Variants in CRB1 observed in about 807,000 individuals in gnomAD.
The protein encoded by CRB1 is crumbs cell polarity complex component 1, also known as protein crumbs homolog 1.
Under a neutral mutation model 120.0 loss-of-function variants are expected in CRB1, and 83 were observed. The observed-to-expected ratio is 0.69, with a 90% CI of 0.58 to 0.83. CRB1 has a LOEUF of 0.83. Ranked by LOEUF, CRB1 falls within the 40% of genes least tolerant of loss-of-function variation. CRB1 has a pLI of 0.00. For missense variants in CRB1, 1,699 were observed against 1,687.6 expected (o/e 1.01, Z -0.12); for synonymous variants, 625 against 612.5 (o/e 1.02, Z -0.30).
At chr1:197,224,264 T>C in the CRB1 span, among the ~76,000 whole-genome samples, 1 of 152,172 alleles carries the variant, frequency 6.6e-6, no homozygotes, top group South Asian at 2.1e-4. Flanking sequence ...GAGTGAGATA[T>C]ATATTCATTC....
chr1:197,289,984 TAGTTATATAAA>T (rs1175066374), intron 1 of CRB1, among the ~76,000 whole-genome samples: 3 of 151,754 alleles, frequency 2.0e-5, no homozygotes, highest in Non-Finnish European at 4.4e-5. Context: ...TATTTTTATC[TAGTTATATAAA>T]AGTTATATTT....
the CRB1 span, among the ~76,000 whole-genome samples, chr1:197,260,395 G>A: frequency 1.5e-4 from 23 of 151,908 alleles, no homozygotes; most frequent in African/African-American, 5.1e-4. Flanking sequence ...TCATAAAAAT[G>A]TATTCCATGT....
chr1:197,204,401 G>A, the CRB1 span, among the ~76,000 whole-genome samples: 1 of 152,166 alleles, frequency 6.6e-6, no homozygotes, highest in African/African-American at 2.4e-5. Flanking sequence ...CACCAGTAGT[G>A]TAAAAGTGTT....
Position 197,427,574 on chromosome 1 carries a change from G to A in CRB1, c.2249G>A (p.Gly750Asp). 1 of 1,613,944 alleles carries A rather than the reference G, an allele frequency of 6.2e-7. No homozygotes were observed. Among genetic ancestry groups the A allele is most frequent in the Non-Finnish European group, 8.5e-7 (1 of 1,179,974 alleles). ...SMFVRTLQPS[G>D]LLLALENSTY... The stretch of plus-strand genomic sequence containing the variant: ...TTTGTCCGAACGCTTCAACCATCAG[G>A]CTTACTTCTAGCTTTGGAAAACAGC... Residue 750 changes from glycine (G) to aspartate (D), a missense_variant, in exon 7 of 12, where the codon GGC becomes GAC. Physicochemically the swap from Gly to Asp is moderately conservative, Grantham distance 94. Coordinates refer to ENST00000367400, the MANE Select transcript of CRB1 (RefSeq NM_201253.3).
chr1:197,224,364 C>CT, the CRB1 span, among the ~76,000 whole-genome samples: 5 of 152,122 alleles, frequency 3.3e-5, no homozygotes, highest in African/African-American at 1.2e-4. Context: ...TGCAGAAACA[C>CT]ATTAAAGTTT....
chr1:197,326,046 A>G (rs1302380046), intron 1 of CRB1, among the ~76,000 whole-genome samples: 4 of 152,210 alleles, frequency 2.6e-5, no homozygotes, highest in African/African-American at 7.2e-5. Context: ...GGATATTTAA[A>G]TAGAATTTTG....
At chr1:197,364,126 A>T in intron 5 of CRB1, 1 of 810,322 alleles carries the variant, frequency 1.2e-6, no homozygotes, top group South Asian at 2.5e-5. Flanking sequence ...TGGATGGGAC[A>T]CCCAGTATGA....
intron 1 of CRB1, among the ~76,000 whole-genome samples, chr1:197,289,060 T>C (rs945125185): frequency 5.3e-5 from 8 of 150,306 alleles, no homozygotes; most frequent in African/African-American, 1.7e-4. Flanking sequence ...CCCGGACAGA[T>C]GAAATTCTCG....
At chr1:197,433,036 T>C (rs1029293517) in intron 8 of CRB1, among the ~76,000 whole-genome samples, 24 of 151,212 alleles carry the variant, frequency 1.6e-4, no homozygotes, top group Middle Eastern at 6.4e-3. Context: ...CTTTTTTTTT[T>C]AACATGGCAA....
At chr1:197,425,723 CTCTTA>C (rs1664548107) in intron 6 of CRB1, among the ~76,000 whole-genome samples, 1 of 152,100 alleles carries the variant, frequency 6.6e-6, no homozygotes, top group Non-Finnish European at 1.5e-5. Flanking sequence ...CTTGGTTCTC[CTCTTA>C]TCTTACTGGC....
the CRB1 span, among the ~76,000 whole-genome samples, chr1:197,248,907 A>AAAAT: frequency 2.6e-5 from 4 of 151,928 alleles, no homozygotes; most frequent in Non-Finnish European, 5.9e-5. Flanking sequence ...CTTTAACTTC[A>AAAAT]AAATAAATAC....
intron 1 of CRB1, among the ~76,000 whole-genome samples, chr1:197,326,706 G>A (rs955481329): frequency 5.9e-5 from 9 of 151,908 alleles, no homozygotes; most frequent in African/African-American, 2.2e-4. Context: ...AAAAACAAGG[G>A]AGCTGGGGAA....
At chr1:197,354,639 T>TG (rs1459056244) in intron 4 of CRB1, among the ~76,000 whole-genome samples, 2 of 152,046 alleles carry the variant, frequency 1.3e-5, no homozygotes, top group African/African-American at 4.8e-5. Flanking sequence ...GGAGTGAAGC[T>TG]GCAGACCTTC....
intron 11 of CRB1, among the ~76,000 whole-genome samples, chr1:197,449,327 A>C (rs911870599): frequency 1.3e-5 from 2 of 151,996 alleles, no homozygotes; most frequent in Non-Finnish European, 2.9e-5. Flanking sequence ...ATTATGAATG[A>C]ATTCTTTTAT....
chr1:197,252,286 A>G, the CRB1 span, among the ~76,000 whole-genome samples: 1 of 151,290 alleles, frequency 6.6e-6, no homozygotes, highest in Admixed American at 6.6e-5. Context: ...TTAACCATTT[A>G]AAAACATAAA....
upstream of CRB1, among the ~76,000 whole-genome samples, chr1:197,266,470 T>C (rs1654636223): frequency 6.6e-6 from 1 of 152,152 alleles, no homozygotes; most frequent in Non-Finnish European, 1.5e-5. Context: ...GGATTAGGTT[T>C]CAACATGTGA....
At chr1:197,409,574 A>AT (rs2125448196) in intron 5 of CRB1, among the ~76,000 whole-genome samples, 1 of 152,042 alleles carries the variant, frequency 6.6e-6, no homozygotes, top group South Asian at 2.1e-4. Context: ...TCATCATATT[A>AT]TTTTTTCGGA....
intron 10 of CRB1, chr1:197,441,633 T>TTCCTCC (rs935518867): frequency 6.7e-6 from 1 of 149,846 alleles, no homozygotes; most frequent in Admixed American, 6.7e-5. Context: ...ACCTCTCCTC[T>TTCCTCC]TCCTCCTCCT....
At chr1:197,226,437 T>C in the CRB1 span, among the ~76,000 whole-genome samples, 1 of 152,224 alleles carries the variant, frequency 6.6e-6, no homozygotes, top group Non-Finnish European at 1.5e-5. Flanking sequence ...TAAAATACTT[T>C]AGTTTTTGCA....
Sources: allele counts gnomAD v4.1 joint callset (sites outside exome capture counted in the v4.1 genomes callset), GRCh38; gene constraint gnomAD v4.1.1; transcripts MANE v1.5; gene names NCBI Gene and HGNC (gene_info 2026-07-23, HGNC 2026-07-21).